OLA1: variants seen among roughly 807,000 people sequenced by gnomAD.
OLA1 encodes the protein obg-like ATPase 1.
A neutral mutation model predicts 48.4 loss-of-function variants in OLA1; 14 were observed. The ratio of observed to expected loss-of-function variants is 0.29; its 90% CI spans 0.19 to 0.45. OLA1 has a LOEUF of 0.45. OLA1 is among the 20% of genes least tolerant of loss of function. OLA1 has a pLI of 1.00. For missense variants in OLA1, 325 were observed against 467.1 expected, an observed-to-expected ratio of 0.70 and a Z score of 2.80; for synonymous variants, 127 against 150.4, an observed-to-expected ratio of 0.84 and a Z score of 1.14.
At chr2:174,202,657 T>C (rs1559002664) in intron 4 of OLA1, among the ~76,000 whole-genome samples, 1 of 152,190 alleles carries the variant, frequency 6.6e-6, no homozygotes, top group African/African-American at 2.4e-5. Context: ...ATAGGGACCG[T>C]AGATTGAGAT....
intron 4 of OLA1, among the ~76,000 whole-genome samples, chr2:174,216,322 T>TA (rs1688358905): frequency 6.6e-6 from 1 of 151,582 alleles, no homozygotes; most frequent in Admixed American, 6.6e-5. Flanking sequence ...AATAATAAAA[T>TA]AAAAAATAAC....
At chr2:174,204,388 G>A (rs936761095) in intron 4 of OLA1, among the ~76,000 whole-genome samples, 11 of 152,126 alleles carry the variant, frequency 7.2e-5, no homozygotes, top group East Asian at 1.9e-4. Context: ...GCGACAGAGC[G>A]AGACTCTGTC....
intron 4 of OLA1, among the ~76,000 whole-genome samples, chr2:174,189,114 A>G (rs1200533160): frequency 6.6e-6 from 1 of 152,202 alleles, no homozygotes; most frequent in East Asian, 1.9e-4. Flanking sequence ...ACTTTTTAAT[A>G]CACATTATTG....
At chr2:174,191,829 C>A (rs1024862212) in intron 4 of OLA1, among the ~76,000 whole-genome samples, 1 of 152,126 alleles carries the variant, frequency 6.6e-6, no homozygotes, top group African/African-American at 2.4e-5. Flanking sequence ...TATCTAAATT[C>A]TTCCTCATGC....
At chr2:174,087,988 C>A (rs1389647376) in intron 7 of OLA1, among the ~76,000 whole-genome samples, 1 of 152,044 alleles carries the variant, frequency 6.6e-6, no homozygotes, top group African/African-American at 2.4e-5. Context: ...TTTACAAACA[C>A]CTTATATAGT....
rs1684684522 is a variant in OLA1, at chr2:174,074,677, A to T, written c.*749T>A. On this transcript the variant is annotated 3_prime_UTR_variant, in exon 11 of 11. Transcript: ENST00000284719. Reference sequence around the variant, plus strand: ...TCTTTTCAATATGGTCAGAACAACAATAACAAACAAAATTCTTTAATTTTT... The same window carrying T: ...TCTTTTCAATATGGTCAGAACAACATTAACAAACAAAATTCTTTAATTTTT... The T allele has an allele frequency of 6.6e-6, 1 of 150,438 alleles. No homozygotes were observed. Among genetic ancestry groups the T allele is most frequent in the African/African-American group, 2.4e-5 (1 of 41,040 alleles). 9.3% of individuals were successfully genotyped at this position (150,438 alleles called of 1,614,324 possible).
chr2:174,083,213 T>C (rs1684895369), intron 7 of OLA1, among the ~76,000 whole-genome samples: 2 of 152,286 alleles, frequency 1.3e-5, no homozygotes, highest in East Asian at 3.9e-4. Flanking sequence ...ATAGTTATTA[T>C]GGCAAAATGC....
At chr2:174,168,793 CTAT>C (rs1687229874) in intron 4 of OLA1, among the ~76,000 whole-genome samples, 5 of 141,400 alleles carry the variant, frequency 3.5e-5, no homozygotes, top group African/African-American at 1.4e-4. Context: ...ATCTATCTAT[CTAT>C]CTATCTAGAT....
Position 174,074,668 on chromosome 2 carries a change from A to G in OLA1, c.*758T>C, listed in dbSNP as rs1684684328. 1.3e-5 allele frequency: 2 copies of G among 151,758 alleles called. No individual in the cohort carries two copies. Among genetic ancestry groups the G allele is most frequent in the Admixed American group, 6.6e-5 (1 of 15,208 alleles). 9.4% of individuals were successfully genotyped at this position (151,758 alleles called of 1,614,324 possible). A position where few individuals can be genotyped will look rare whatever the true frequency, so the allele number is the denominator to read the frequency against. ...AAGTGAACCTCTTTTCAATATGGTC[A>G]GAACAACAATAACAAACAAAATTCT... On this transcript the variant is annotated 3_prime_UTR_variant, in exon 11 of 11. Transcript: ENST00000284719.
At chr2:174,142,074 C>A in intron 4 of OLA1, 74 bp from the exon 5 acceptor site, 1 of 1,271,072 alleles carries the variant, frequency 7.9e-7, no homozygotes, top group Non-Finnish European at 1.1e-6. Context: ...GTGAAAGATT[C>A]CTAGAAGGTT....
intron 2 of OLA1, among the ~76,000 whole-genome samples, chr2:174,237,312 G>A (rs1244849280): frequency 1.3e-5 from 2 of 151,638 alleles, no homozygotes; most frequent in Non-Finnish European, 2.9e-5. Flanking sequence ...AGGTTTTCAG[G>A]GGCAATAACA....
intron 7 of OLA1, among the ~76,000 whole-genome samples, chr2:174,121,687 A>T (rs536874034): frequency 3.3e-5 from 5 of 152,236 alleles, no homozygotes; most frequent in Non-Finnish European, 7.3e-5. Context: ...TAACCATGTC[A>T]TCATCACAAC....
intron 3 of OLA1, among the ~76,000 whole-genome samples, chr2:174,223,788 A>G (rs1361352500): frequency 3.6e-5 from 5 of 140,524 alleles, no homozygotes; most frequent in Admixed American, 2.2e-4. Flanking sequence ...AAAAAAAAAA[A>G]GCGTGTAATG....
intron 4 of OLA1, among the ~76,000 whole-genome samples, chr2:174,177,196 GATC>G (rs1162921518): frequency 6.6e-6 from 1 of 152,128 alleles, no homozygotes; most frequent in Admixed American, 6.5e-5. Flanking sequence ...GTAATTCTAT[GATC>G]ATCAAGCTCA....
At chr2:174,080,013 G>T (rs1304743009) in intron 9 of OLA1, among the ~76,000 whole-genome samples, 1 of 151,864 alleles carries the variant, frequency 6.6e-6, no homozygotes, top group East Asian at 1.9e-4. Flanking sequence ...AAGTTTTAAG[G>T]CTTTAAAATA....
chr2:174,219,113 C>T (rs1688432802), intron 4 of OLA1, among the ~76,000 whole-genome samples: 1 of 151,016 alleles, frequency 6.6e-6, no homozygotes, highest in African/African-American at 2.4e-5. Flanking sequence ...TGAGCCACCA[C>T]ACCTGGGCAA....
intron 4 of OLA1, among the ~76,000 whole-genome samples, chr2:174,197,326 G>A (rs1687899016): frequency 6.8e-6 from 1 of 147,920 alleles, no homozygotes; most frequent in Non-Finnish European, 1.5e-5. Flanking sequence ...TGAAACAGAT[G>A]GCAGTGTCCA....
At chr2:174,221,524 C>T (rs572064344) in intron 4 of OLA1, among the ~76,000 whole-genome samples, 1 of 152,258 alleles carries the variant, frequency 6.6e-6, no homozygotes, top group South Asian at 2.1e-4. Context: ...CACTCCCACT[C>T]TATTTTAAGT....
At chr2:174,081,730 G>A (rs1032246652) in intron 8 of OLA1, among the ~76,000 whole-genome samples, 194 bp downstream of exon 8, 2 of 151,930 alleles carry the variant, frequency 1.3e-5, no homozygotes, top group East Asian at 1.9e-4. Flanking sequence ...AACACTGTAC[G>A]GAGATGACAG....
Sources: allele counts gnomAD v4.1 joint callset (sites outside exome capture counted in the v4.1 genomes callset), GRCh38; gene constraint gnomAD v4.1.1; transcripts MANE v1.5; gene names NCBI Gene and HGNC (gene_info 2026-07-23, HGNC 2026-07-21).